UNC5D: variants seen among roughly 807,000 people sequenced by gnomAD.
The protein encoded by UNC5D is netrin receptor UNC5D.
UNC5D carries 39 observed loss-of-function variants against 105.4 expected under a neutral mutation model. The observed-to-expected ratio is 0.37, with a 90% CI of 0.29 to 0.48. The LOEUF (loss-of-function observed/expected upper bound fraction) is 0.48, where lower values mean the gene tolerates loss of function less well. Ranked by LOEUF, UNC5D falls within the 20% of genes least tolerant of loss-of-function variation. The pLI, the probability that UNC5D is intolerant of heterozygous loss-of-function variation, is 0.98. For missense variants in UNC5D, 991 were observed against 1,202.4 expected (o/e 0.82, Z 2.60); for synonymous variants, 452 against 450.4 (o/e 1.00, Z -0.04).
At chr8:35,298,151 C>T (rs1209901482) in intron 1 of UNC5D, among the ~76,000 whole-genome samples, 1 of 151,320 alleles carries the variant, frequency 6.6e-6, no homozygotes, top group Non-Finnish European at 1.5e-5. Flanking sequence ...AGAACTCTGT[C>T]CCAATGATCT....
intron 4 of UNC5D, among the ~76,000 whole-genome samples, chr8:35,648,701 A>AAG (rs1823221812): frequency 6.6e-6 from 1 of 150,606 alleles, no homozygotes; most frequent in Non-Finnish European, 1.5e-5. Context: ...AAAAAAAAAA[A>AAG]GGAGAGAGAT....
intron 1 of UNC5D, among the ~76,000 whole-genome samples, chr8:35,326,770 AG>A (rs1403777128): frequency 6.6e-6 from 1 of 151,602 alleles, no homozygotes; most frequent in Non-Finnish European, 1.5e-5. Flanking sequence ...TAAAAAGTGA[AG>A]GAAAAAAAAA....
chr8:35,298,430 T>C (rs1807663759), intron 1 of UNC5D, among the ~76,000 whole-genome samples: 1 of 152,186 alleles, frequency 6.6e-6, no homozygotes, highest in Non-Finnish European at 1.5e-5. Flanking sequence ...AGGTACTCTC[T>C]TGAATGTGTG....
At chr8:35,644,941 T>A (rs1442883579) in intron 4 of UNC5D, among the ~76,000 whole-genome samples, 1 of 152,190 alleles carries the variant, frequency 6.6e-6, no homozygotes, top group Non-Finnish European at 1.5e-5. Flanking sequence ...ATAATATAGC[T>A]GATATAATCA....
chr8:35,381,800 C>A (rs1803058929), intron 1 of UNC5D, among the ~76,000 whole-genome samples: 1 of 152,178 alleles, frequency 6.6e-6, no homozygotes, highest in Admixed American at 6.5e-5. Context: ...CATATAGTCA[C>A]ACTGTGTTTT....
intron 4 of UNC5D, among the ~76,000 whole-genome samples, chr8:35,603,693 C>T (rs1427842523): frequency 6.6e-6 from 1 of 152,152 alleles, no homozygotes; most frequent in African/African-American, 2.4e-5. Flanking sequence ...TGTTTCTAGG[C>T]CACTAAGGAC....
At chr8:35,355,710 G>C (rs1801513492) in intron 1 of UNC5D, among the ~76,000 whole-genome samples, 1 of 152,100 alleles carries the variant, frequency 6.6e-6, no homozygotes, top group Non-Finnish European at 1.5e-5. Context: ...TACAGGCAGG[G>C]CTCTTAGGAA....
intron 1 of UNC5D, among the ~76,000 whole-genome samples, chr8:35,295,448 A>C (rs1054778154): frequency 3.9e-5 from 6 of 152,212 alleles, no homozygotes; most frequent in African/African-American, 1.4e-4. Context: ...TCTGCATATA[A>C]GTGGACTCAC....
intron 1 of UNC5D, among the ~76,000 whole-genome samples, chr8:35,531,076 GC>G (rs1814330820): frequency 7.0e-6 from 1 of 142,922 alleles, no homozygotes; most frequent in East Asian, 2.1e-4. Context: ...GTTATTTCTT[GC>G]CTTCTGCTAG....
At chr8:35,625,938 C>A (rs184745182) in intron 4 of UNC5D, among the ~76,000 whole-genome samples, 2 of 152,308 alleles carry the variant, frequency 1.3e-5, no homozygotes, top group East Asian at 3.9e-4. Context: ...GTTGCTGCTG[C>A]TGCTGCTCTC....
chr8:35,632,451 C>A (rs1822100618), intron 4 of UNC5D, among the ~76,000 whole-genome samples: 1 of 152,184 alleles, frequency 6.6e-6, no homozygotes, highest in East Asian at 1.9e-4. Context: ...GGCCTGGGCC[C>A]TTCTGGAGCT....
At chr8:35,497,442 C>G (rs955323805) in intron 1 of UNC5D, among the ~76,000 whole-genome samples, 2 of 152,164 alleles carry the variant, frequency 1.3e-5, no homozygotes, top group Non-Finnish European at 1.5e-5. Flanking sequence ...TGTCACGAAC[C>G]CCATCACATT....
chr8:35,579,499 C>T (rs1418167492), intron 3 of UNC5D, among the ~76,000 whole-genome samples: 10 of 151,992 alleles, frequency 6.6e-5, no homozygotes, highest in African/African-American at 1.2e-4. Flanking sequence ...ATTTACTGAT[C>T]CCTGAGGCCT....
intron 1 of UNC5D, among the ~76,000 whole-genome samples, chr8:35,426,732 A>C (rs1477447106): frequency 6.6e-6 from 1 of 152,128 alleles, no homozygotes; most frequent in Non-Finnish European, 1.5e-5. Context: ...CCCCTTTTCA[A>C]TGTTAGAAAT....
intron 1 of UNC5D, among the ~76,000 whole-genome samples, chr8:35,426,910 A>G (rs1490364633): frequency 6.6e-6 from 1 of 152,176 alleles, no homozygotes; most frequent in African/African-American, 2.4e-5. Context: ...TTAAAAGCAC[A>G]GTGAGTAAAA....
chr8:35,459,122 C>T (rs554869235), intron 1 of UNC5D, among the ~76,000 whole-genome samples: 5 of 152,102 alleles, frequency 3.3e-5, no homozygotes, highest in Non-Finnish European at 5.9e-5. Flanking sequence ...TTTCTTTTTC[C>T]TGGCTCTTTT....
At chr8:35,275,260 C>T (rs1805698059) in intron 1 of UNC5D, among the ~76,000 whole-genome samples, 1 of 151,802 alleles carries the variant, frequency 6.6e-6, no homozygotes, top group South Asian at 2.1e-4. Context: ...CCTATCTTTC[C>T]TACTACCCTT....
intron 4 of UNC5D, among the ~76,000 whole-genome samples, chr8:35,597,578 A>G (rs1002406619): frequency 2.0e-5 from 3 of 152,152 alleles, no homozygotes; most frequent in Admixed American, 2.0e-4. Flanking sequence ...TGGTACACCC[A>G]TGTTTCCTTC....
chr8:35,727,862 G>C (rs1051486952), intron 10 of UNC5D: 1 of 151,678 alleles, frequency 6.6e-6, no homozygotes, highest in African/African-American at 2.4e-5. Context: ...TTTTCTGTAA[G>C]AATTCATAAA....
Sources: gnomAD v4.1 joint callset for allele counts (sites outside exome capture counted in the v4.1 genomes callset) on GRCh38, gnomAD v4.1.1 for gene constraint, MANE v1.5 for transcripts, NCBI Gene and HGNC (gene_info 2026-07-23, HGNC 2026-07-21) for gene names.